NTS: variants seen among roughly 807,000 people sequenced by gnomAD.
NTS encodes the protein neurotensin.
NTS carries 20 observed loss-of-function variants against 19.5 expected under a neutral mutation model. The observed-to-expected ratio is 1.02, with a 90% CI of 0.72 to 1.49. The LOEUF is 1.49. Ranked by LOEUF, NTS falls within the 40% of genes most tolerant of loss-of-function variation. The pLI is 0.00. For missense variants in NTS, 215 were observed against 193.1 expected, an observed-to-expected ratio of 1.11 and a Z score of -0.67; for synonymous variants, 71 against 63.3, an observed-to-expected ratio of 1.12 and a Z score of -0.58.
chr12:85,878,433 C>G lies in NTS; in HGVS notation c.224C>G (p.Thr75Arg), dbSNP rs1273992320. ...VNNLNSPAEE[T>R]GEVHEEELVA... ...AATTTGAACAGCCCAGCTGAGGAAACAGGAGAAGTTCATGAAGAGGAGCTT... is the reference window on the plus strand; with the variant it reads ...AATTTGAACAGCCCAGCTGAGGAAAGAGGAGAAGTTCATGAAGAGGAGCTT... The change falls in exon 3 of 4, where the codon ACA becomes AGA. Residue 75 changes from threonine (T) to arginine (R), a missense_variant. Coordinates refer to ENST00000256010, the MANE Select transcript of NTS (RefSeq NM_006183.5). 3 of 1,613,524 alleles carry G rather than the reference C, an allele frequency of 1.9e-6. No individual in the cohort carries two copies. Among genetic ancestry groups the G allele is most frequent in the Non-Finnish European group, 1.7e-6 (2 of 1,179,764 alleles).
chr12:85,880,584 CA>C (rs1386301224), intron 3 of NTS, among the ~76,000 whole-genome samples: 1 of 152,062 alleles, frequency 6.6e-6, no homozygotes, highest in Non-Finnish European at 1.5e-5. Context: ...AATTTCTAAA[CA>C]AAAAACTGAA....
intron 3 of NTS, among the ~76,000 whole-genome samples, chr12:85,881,552 A>G (rs189641384): frequency 4.6e-5 from 7 of 152,264 alleles, no homozygotes; most frequent in South Asian, 2.1e-4. Context: ...AAGATTCTAC[A>G]TGGTGCTTAA....
chr12:85,878,500 C>T lies in NTS; in HGVS notation c.291C>T (p.Ser97=), dbSNP rs781008394. The T allele has an allele frequency of 1.2e-6, 2 of 1,613,830 alleles. No homozygotes were observed. Among genetic ancestry groups the T allele is most frequent in the Admixed American group, 1.7e-5 (1 of 59,984 alleles). ...RKLPTALDGF[S]LEAMLTIYQL... ...TTCCTACTGCTTTAGATGGCTTTAG[C>T]TTGGAAGCAATGTTGACAATATACC... The change falls in exon 3 of 4, where the codon AGC becomes AGT. Residue 97 remains serine (S), a synonymous_variant. Transcript: ENST00000256010.
chr12:85,880,651 T>A (rs1262336255), intron 3 of NTS, among the ~76,000 whole-genome samples: 5 of 152,196 alleles, frequency 3.3e-5, no homozygotes, highest in Admixed American at 3.3e-4. Context: ...GTAAATTGTT[T>A]AGTATTTAAA....
At position 85,882,467 on chromosome 12, in the gene NTS, T is replaced by A. The variant is rs941974082; in HGVS notation, c.*92T>A. On this transcript the variant is annotated 3_prime_UTR_variant, in exon 4 of 4. Transcript: ENST00000256010. ...TTGTGTGAAAATGTGACAAACACACTTATCTGTCTCTTCTACAATTGTGGT... is the reference window on the plus strand; with the variant it reads ...TTGTGTGAAAATGTGACAAACACACATATCTGTCTCTTCTACAATTGTGGT... 30 of 996,550 alleles carry A rather than the reference T, an allele frequency of 3.0e-5. No homozygotes were observed. The African/African-American group carries it at 4.3e-4, about 14-fold the overall frequency. The allele number at this position is 996,550 out of a possible 1,614,324, so 61.7% of individuals were successfully genotyped here.
chr12:85,882,228 C>A lies in NTS; in HGVS notation c.366C>A (p.Ile122=). Residue 122 remains isoleucine, a synonymous_variant, in exon 4 of 4, where the codon ATC becomes ATA. Transcript: ENST00000256010. ...ATTTTATCTCTATCTTGCAGTTAAT[C>A]CAGGAAGATATTCTTGATACTGGAA... ...HSRAFQHWEL[I]QEDILDTGND... 2.5e-6 allele frequency: 4 copies of A among 1,590,300 alleles called. No individual in the cohort carries two copies. Among genetic ancestry groups the A allele is most frequent in the South Asian group, 2.3e-5 (2 of 87,048 alleles).
At chr12:85,879,953 T>C (rs987510110) in intron 3 of NTS, among the ~76,000 whole-genome samples, 3 of 148,790 alleles carry the variant, frequency 2.0e-5, no homozygotes, top group African/African-American at 7.3e-5. Context: ...GCAAAAGTAA[T>C]TGCAGTTTTT....
intron 1 of NTS, 139 bp downstream of exon 1, chr12:85,874,615 G>C: frequency 1.9e-6 from 1 of 534,832 alleles, no homozygotes. Flanking sequence ...GACAGAAACT[G>C]AGTATCTCTT....
chr12:85,882,327 T>C lies in NTS; in HGVS notation c.465T>C (p.Asn155=). 1 of 1,607,484 alleles carries C rather than the reference T, an allele frequency of 6.2e-7. No homozygotes were observed. Among genetic ancestry groups the C allele is most frequent in the Non-Finnish European group, 8.5e-7 (1 of 1,177,472 alleles). The change falls in exon 4 of 4, where the codon AAT becomes AAC. Residue 155 remains asparagine, a synonymous_variant. Coordinates refer to ENST00000256010, the MANE Select transcript of NTS (RefSeq NM_006183.5). The part of the protein sequence containing the change: ...PYILKRQLYE[N]KPRRPYILKR... ...TTCTGAAACGGCAGCTGTATGAGAA[T>C]AAACCCAGAAGACCCTACATACTCA...
intron 1 of NTS, among the ~76,000 whole-genome samples, chr12:85,875,185 C>A (rs1269676750): frequency 2.0e-5 from 3 of 151,948 alleles, no homozygotes; most frequent in Non-Finnish European, 2.9e-5. Flanking sequence ...GAGTGTTTTG[C>A]ATGTGGTTTG....
rs1451030743 is a variant in NTS at position 85,878,526 on chromosome 12, A to C, written c.317A>C (p.Gln106Pro). The C allele has an allele frequency of 1.2e-6, 2 of 1,613,140 alleles. No homozygotes were observed. Among genetic ancestry groups the C allele is most frequent in the Non-Finnish European group, 1.7e-6 (2 of 1,179,532 alleles). ...FSLEAMLTIY[Q>P]LHKICHSRAF... ...TTGGAAGCAATGTTGACAATATACC[A>C]GCTCCACAAAATCTGTCACAGCAGG... Residue 106 changes from glutamine (Q) to proline (P), a missense_variant, in exon 3 of 4, where the codon CAG (glutamine) becomes CCG (proline). By Grantham distance (76) the Gln-to-Pro change is moderately conservative. Coordinates refer to ENST00000256010, the MANE Select transcript of NTS (RefSeq NM_006183.5).
chr12:85,879,702 A>G (rs28477441), intron 3 of NTS, among the ~76,000 whole-genome samples: 1 of 126,658 alleles, frequency 7.9e-6, no homozygotes, highest in Admixed American at 7.6e-5. Flanking sequence ...TGTATATTTT[A>G]TGTATATAAA....
intron 1 of NTS, among the ~76,000 whole-genome samples, chr12:85,875,093 AT>A (rs1881310142): frequency 6.6e-6 from 1 of 152,122 alleles, no homozygotes; most frequent in Admixed American, 6.6e-5. Flanking sequence ...ACTGTTTGGC[AT>A]TTTTTCCATG....
chr12:85,881,895 A>G (rs1376263923), intron 3 of NTS, among the ~76,000 whole-genome samples: 1 of 152,078 alleles, frequency 6.6e-6, no homozygotes, highest in Admixed American at 6.6e-5. Context: ...TCAAAGGTCT[A>G]TTTGATGCTT....
intron 3 of NTS, 50 bp from the exon 4 acceptor site, chr12:85,882,173 C>CA: frequency 7.0e-7 from 1 of 1,419,756 alleles, no homozygotes; most frequent in Admixed American, 2.2e-5. Context: ...TGCTCTGAAA[C>CA]AAAAGAGTTT....
rs1268411882 is a variant in NTS at position 85,882,959 on chromosome 12, T to C, written c.*584T>C. The C allele has an allele frequency of 6.6e-6, 1 of 152,120 alleles. No individual in the cohort carries two copies. The highest frequency in any genetic ancestry group is 1.5e-5 in the Non-Finnish European group (1 of 67,958). The allele number at this position is 152,120 out of a possible 1,614,324, so 9.4% of individuals were successfully genotyped here. ...TTTTTTGTCTGTTAAATGAACTTGA[T>C]AGCTAATAAAAAGACAACTAGCCAT... On this transcript the variant is annotated 3_prime_UTR_variant, in exon 4 of 4. Transcript: ENST00000256010.
rs943128418 is a variant in NTS at position 85,882,060 on chromosome 12, G to A, written c.361-163G>A. On this transcript the variant is annotated intron_variant, in intron 3 of 3. Coordinates refer to ENST00000256010, the MANE Select transcript of NTS (RefSeq NM_006183.5). Reference sequence around the variant, plus strand: ...ATACTATTTCAGCCACTGAATGGCCGTCTCTCCTTTGAAAAAACAATTTCT... The same window carrying A: ...ATACTATTTCAGCCACTGAATGGCCATCTCTCCTTTGAAAAAACAATTTCT... 1.2e-4 allele frequency among the ~76,000 whole-genome samples: 18 copies of A among 151,630 alleles called. 1 individual carries two copies. In the East Asian group the frequency reaches 1.5e-3, roughly 13 times the overall value.
intron 3 of NTS, among the ~76,000 whole-genome samples, chr12:85,881,325 G>C (rs1408950041): frequency 6.6e-6 from 1 of 152,054 alleles, no homozygotes; most frequent in African/African-American, 2.4e-5. Context: ...TCCCCTATCA[G>C]TATTTGTTAT....
intron 3 of NTS, among the ~76,000 whole-genome samples, chr12:85,878,777 T>C (rs1243661106): frequency 6.6e-6 from 1 of 152,072 alleles, no homozygotes; most frequent in Admixed American, 6.6e-5. Flanking sequence ...TTTTCTTCAA[T>C]ATTAAAAAGA....
Sources: allele counts gnomAD v4.1 joint callset (sites outside exome capture counted in the v4.1 genomes callset), GRCh38; gene constraint gnomAD v4.1.1; transcripts MANE v1.5; gene names NCBI Gene and HGNC (gene_info 2026-07-23, HGNC 2026-07-21).